PEBP4: variants seen among roughly 807,000 people sequenced by gnomAD.
The protein encoded by PEBP4 is phosphatidylethanolamine-binding protein 4.
A neutral mutation model predicts 23.9 loss-of-function variants in PEBP4; 22 were observed. That is an observed-to-expected ratio of 0.92 (90% CI 0.66 to 1.31). PEBP4 has a LOEUF of 1.31. PEBP4 is among the 40% of genes most tolerant of loss of function. The pLI is 0.00. For synonymous variants in PEBP4, 112 were observed against 99.3 expected (o/e 1.13, Z -0.76); for missense variants, 324 against 281.7 (o/e 1.15, Z -1.07).
At chr8:22,713,624 T>C (rs1585231701) in intron 6 of PEBP4, 88 bp from the exon 7 acceptor site, 1 of 1,574,746 alleles carries the variant, frequency 6.4e-7, no homozygotes, top group Non-Finnish European at 8.7e-7. Context: ...GGCCGGCTCG[T>C]GGGAGCCGAG....
intron 6 of PEBP4, among the ~76,000 whole-genome samples, chr8:22,723,911 T>C (rs766748265): frequency 6.6e-6 from 1 of 152,200 alleles, no homozygotes; most frequent in African/African-American, 2.4e-5. Flanking sequence ...GTTGTAGCAA[T>C]ACCTGTGCCA....
intron 3 of PEBP4, among the ~76,000 whole-genome samples, chr8:22,835,642 C>A (rs909302397): frequency 1.3e-5 from 2 of 152,196 alleles, no homozygotes; most frequent in African/African-American, 2.4e-5. Flanking sequence ...CATCCAGGAT[C>A]TTCCACAGCC....
intron 6 of PEBP4, among the ~76,000 whole-genome samples, chr8:22,723,077 A>G (rs10099206): frequency 0.54 from 81,489 of 151,350 alleles, 22,079 homozygotes; most frequent in Admixed American, 0.63. Flanking sequence ...CACCGCGCCC[A>G]GCCTGGGAGG....
intron 3 of PEBP4, among the ~76,000 whole-genome samples, chr8:22,847,537 T>C (rs1807463125): frequency 6.6e-6 from 1 of 152,140 alleles, no homozygotes; most frequent in Non-Finnish European, 1.5e-5. Flanking sequence ...ACTTCGGGTC[T>C]CCTCCTTGTT....
intron 3 of PEBP4, among the ~76,000 whole-genome samples, chr8:22,828,181 T>C (rs11780227): frequency 0.11 from 17,255 of 152,178 alleles, 1,332 homozygotes; most frequent in Middle Eastern, 0.27. Context: ...AGCAAATATT[T>C]CCATAGATGG....
Position 22,724,830 on chromosome 8 carries a change from G to A in PEBP4, c.517+13C>T, listed in dbSNP as rs960193839. The A allele has an allele frequency of 1.3e-6, 2 of 1,588,146 alleles. No homozygotes were observed. The highest frequency in any genetic ancestry group is 2.2e-5 in the East Asian group (1 of 44,752). On this transcript the variant is annotated intron_variant, in intron 6 of 6. Coordinates refer to ENST00000256404, the MANE Select transcript of PEBP4 (RefSeq NM_144962.3). ...TCACCCCGGTGGTGGCTGGAAGGAT[G>A]GGGAGGTCTTACCTCGAGTTTTGTT...
chr8:22,916,757 C>T (rs1278303588), intron 3 of PEBP4, among the ~76,000 whole-genome samples: 2 of 152,230 alleles, frequency 1.3e-5, no homozygotes, highest in African/African-American at 4.8e-5. Context: ...TGGTGGGGCC[C>T]ACGGGTGACT....
At chr8:22,736,768 G>A (rs546638899) in intron 4 of PEBP4, among the ~76,000 whole-genome samples, 6 of 152,224 alleles carry the variant, frequency 3.9e-5, no homozygotes, top group African/African-American at 1.2e-4. Flanking sequence ...TTGCCGGGAC[G>A]CCTCATTTAT....
chr8:22,740,389 G>A (rs1407899436), intron 4 of PEBP4, among the ~76,000 whole-genome samples: 2 of 152,208 alleles, frequency 1.3e-5, no homozygotes, highest in Non-Finnish European at 2.9e-5. Context: ...AGCAGCAGCA[G>A]TGTGCCCTGG....
Position 22,927,778 on chromosome 8 carries a change from T to G in PEBP4, c.-7+45A>C, listed in dbSNP as rs543218718. 1.9e-6 allele frequency: 3 copies of G among 1,600,480 alleles called. No homozygotes were observed. In the Admixed American group the frequency reaches 5.3e-5, roughly 28 times the overall value. ...CCCCTGCAGGGGCCTTCCTGCCCAC[T>G]ACCTGTGCCCCCGACCCCAGGGGCC... On this transcript the variant is annotated intron_variant, in intron 1 of 6. Coordinates refer to ENST00000256404, the MANE Select transcript of PEBP4 (RefSeq NM_144962.3).
At chr8:22,771,533 A>G (rs1434646881) in intron 4 of PEBP4, among the ~76,000 whole-genome samples, 1 of 152,220 alleles carries the variant, frequency 6.6e-6, no homozygotes, top group East Asian at 1.9e-4. Flanking sequence ...TAACAAAACC[A>G]TATGTGATGA....
chr8:22,795,762 T>A (rs1476616381), intron 4 of PEBP4, among the ~76,000 whole-genome samples: 2 of 152,114 alleles, frequency 1.3e-5, no homozygotes, highest in African/African-American at 2.4e-5. Context: ...CATGAAAGAT[T>A]TTTTTTTCCA....
At chr8:22,781,268 C>A (rs1049087274) in intron 4 of PEBP4, among the ~76,000 whole-genome samples, 17 of 151,990 alleles carry the variant, frequency 1.1e-4, no homozygotes, top group Non-Finnish European at 2.9e-5. Flanking sequence ...GCCTTGCAGT[C>A]CTGTGGAGGA....
intron 3 of PEBP4, among the ~76,000 whole-genome samples, chr8:22,891,997 C>T (rs927159032): frequency 3.3e-5 from 5 of 151,702 alleles, no homozygotes; most frequent in African/African-American, 7.3e-5. Context: ...GGCGTCAACC[C>T]GGGAGGCGGA....
intron 4 of PEBP4, among the ~76,000 whole-genome samples, chr8:22,796,130 C>T (rs1322181722): frequency 6.6e-6 from 1 of 152,140 alleles, no homozygotes; most frequent in African/African-American, 2.4e-5. Flanking sequence ...GCTGTGTTGG[C>T]GGACGCTTAG....
At chr8:22,784,355 G>C (rs1805986538) in intron 4 of PEBP4, among the ~76,000 whole-genome samples, 1 of 152,240 alleles carries the variant, frequency 6.6e-6, no homozygotes, top group South Asian at 2.1e-4. Context: ...AGGCAAGAAC[G>C]AGAACCAGAG....
chr8:22,869,277 T>A (rs1373404898), intron 3 of PEBP4, among the ~76,000 whole-genome samples: 1 of 152,226 alleles, frequency 6.6e-6, no homozygotes, highest in East Asian at 1.9e-4. Context: ...CTGGACTGGG[T>A]TCCAGATCGC....
chr8:22,844,943 G>A (rs1585303342), intron 3 of PEBP4, among the ~76,000 whole-genome samples: 1 of 152,174 alleles, frequency 6.6e-6, no homozygotes, highest in Non-Finnish European at 1.5e-5. Context: ...TATGAACCAG[G>A]GCCCATTAGC....
At chr8:22,925,447 A>G in intron 2 of PEBP4, 1 of 526,044 alleles carries the variant, frequency 1.9e-6, no homozygotes, top group Non-Finnish European at 2.4e-6. Flanking sequence ...CTGTGGGCAG[A>G]TTTCTTAATC....
Sources: allele counts gnomAD v4.1 joint callset (sites outside exome capture counted in the v4.1 genomes callset), GRCh38; gene constraint gnomAD v4.1.1; transcripts MANE v1.5; gene names NCBI Gene and HGNC (gene_info 2026-07-23, HGNC 2026-07-21).